BACE2: variants seen among roughly 807,000 people sequenced by gnomAD.
BACE2 encodes beta-secretase 2, also known as 56 kDa aspartic-like protease.
A neutral mutation model predicts 46.2 loss-of-function variants in BACE2; 17 were observed. The observed-to-expected ratio is 0.37, with a 90% CI of 0.25 to 0.55. The LOEUF (loss-of-function observed/expected upper bound fraction) is 0.55, where lower values mean the gene tolerates loss of function less well. Among genes scored for constraint, BACE2 ranks in the 20% least tolerant of loss-of-function variants. The pLI is 0.82. For synonymous variants in BACE2, 277 were observed against 295.9 expected, an observed-to-expected ratio of 0.94 and a Z score of 0.66; for missense variants, 595 against 698.1, an observed-to-expected ratio of 0.85 and a Z score of 1.66.
chr21:41,200,666 A>G (rs1226385994), intron 1 of BACE2, among the ~76,000 whole-genome samples: 1 of 152,166 alleles, frequency 6.6e-6, no homozygotes, highest in Admixed American at 6.5e-5. Flanking sequence ...TGAAGTTAAA[A>G]TGTGGCCATG....
At chr21:41,214,492 G>A (rs761399378) in intron 1 of BACE2, among the ~76,000 whole-genome samples, 10 of 152,184 alleles carry the variant, frequency 6.6e-5, no homozygotes, top group South Asian at 2.1e-4. Flanking sequence ...TGCCAAAGAC[G>A]AACAGTTTTC....
chr21:41,200,155 A>G (rs895899584), intron 1 of BACE2, among the ~76,000 whole-genome samples: 1 of 151,540 alleles, frequency 6.6e-6, no homozygotes, highest in Non-Finnish European at 1.5e-5. Context: ...AAACCTGCAC[A>G]TTGTGCACAT....
chr21:41,219,984 C>T (rs1986590591), intron 1 of BACE2, among the ~76,000 whole-genome samples: 1 of 152,194 alleles, frequency 6.6e-6, no homozygotes, highest in African/African-American at 2.4e-5. Context: ...AAGACTGCCC[C>T]CAGCTTCCAT....
rs186790739 is a variant in BACE2 at position 41,192,725 on chromosome 21, A to G, written c.312+24150A>G. On this transcript the variant is annotated intron_variant, in intron 1 of 8. Coordinates refer to ENST00000330333, the MANE Select transcript of BACE2 (RefSeq NM_012105.5). ...CAAGTGGCCAAGCAGCTTGCACAGC[A>G]GCCTGGACCTGTTGCAGAGCCTTCT... is the stretch of plus-strand genomic sequence containing the variant. Among the ~76,000 whole-genome samples, 1,225 of 152,340 alleles carry G rather than the reference A, an allele frequency of 8.0e-3. 11 individuals carry two copies. Among genetic ancestry groups the G allele is most frequent in the Non-Finnish European group, 0.012 (830 of 68,026 alleles).
At chr21:41,267,351 G>A (rs1008007841) in intron 8 of BACE2, among the ~76,000 whole-genome samples, 1 of 152,194 alleles carries the variant, frequency 6.6e-6, no homozygotes, top group African/African-American at 2.4e-5. Flanking sequence ...CCACCTCTGT[G>A]TTGCTGGGCC....
At chr21:41,208,922 G>T (rs899859505) in intron 1 of BACE2, among the ~76,000 whole-genome samples, 1 of 152,152 alleles carries the variant, frequency 6.6e-6, no homozygotes, top group African/African-American at 2.4e-5. Flanking sequence ...CACCTGCCAG[G>T]GTGGGATTAA....
chr21:41,269,580 T>A (rs2088415177), intron 8 of BACE2, among the ~76,000 whole-genome samples: 2 of 152,228 alleles, frequency 1.3e-5, no homozygotes, highest in South Asian at 4.1e-4. Context: ...GAATTTTATA[T>A]AAATGAAATC....
chr21:41,254,864 CCG>C (rs1169359583), intron 7 of BACE2, among the ~76,000 whole-genome samples: 12 of 152,352 alleles, frequency 7.9e-5, no homozygotes, highest in African/African-American at 2.2e-4. Context: ...TGTCCTGCCT[CCG>C]TCAGGCTGCC....
At chr21:41,182,079 G>A (rs1007579274) in intron 1 of BACE2, 1 of 167,072 alleles carries the variant, frequency 6.0e-6, no homozygotes, top group Admixed American at 6.5e-5. Context: ...TAAAGCCATA[G>A]AAAGGAAGTA....
chr21:41,203,537 A>T (rs941353297), intron 1 of BACE2, among the ~76,000 whole-genome samples: 16 of 151,934 alleles, frequency 1.1e-4, no homozygotes, highest in Non-Finnish European at 2.2e-4. Flanking sequence ...GTGAATGAGG[A>T]GTGTGGTTTT....
intron 8 of BACE2, among the ~76,000 whole-genome samples, chr21:41,274,516 G>A (rs771717119): frequency 1.9e-4 from 29 of 152,028 alleles, no homozygotes; most frequent in African/African-American, 4.3e-4. Context: ...TTTCTTTTCC[G>A]TATTGCAAGT....
Position 41,282,476 on chromosome 21 carries a change from A to G in BACE2, c.*6852A>G, listed in dbSNP as rs1601333273. ...TATGTTCCAGCAATTTAAGATATAT[A>G]CCATTGAAAGGGAAATAAAACATTT... On this transcript the variant is annotated 3_prime_UTR_variant, in exon 9 of 9. Transcript: ENST00000330333. 6.6e-6 allele frequency: 1 copy of G among 152,244 alleles called. No individual in the cohort carries two copies. Among genetic ancestry groups the G allele is most frequent in the Non-Finnish European group, 1.5e-5 (1 of 68,048 alleles). 9.4% of individuals were successfully genotyped at this position (152,244 alleles called of 1,614,324 possible).
intron 3 of BACE2, among the ~76,000 whole-genome samples, chr21:41,239,969 A>T (rs888663306): frequency 6.6e-6 from 1 of 152,270 alleles, no homozygotes; most frequent in African/African-American, 2.4e-5. Flanking sequence ...ATATGTAAAG[A>T]TTCTGTGAGA....
intron 1 of BACE2, among the ~76,000 whole-genome samples, chr21:41,222,662 A>T (rs963824257): frequency 6.6e-6 from 1 of 152,154 alleles, no homozygotes; most frequent in African/African-American, 2.4e-5. Context: ...ACTTAACTGT[A>T]ATAGGACTGT....
intron 6 of BACE2, among the ~76,000 whole-genome samples, chr21:41,250,408 G>A (rs532348582): frequency 4.6e-5 from 7 of 152,196 alleles, no homozygotes; most frequent in Non-Finnish European, 1.0e-4. Context: ...GTGTGACCTT[G>A]GGCAAGTTAC....
intron 8 of BACE2, among the ~76,000 whole-genome samples, chr21:41,271,559 AT>A (rs546048655): frequency 6.6e-6 from 1 of 152,068 alleles, no homozygotes; most frequent in South Asian, 2.1e-4. Context: ...CATTTGTTAC[AT>A]TTTTTCCCTT....
At chr21:41,243,984 G>A (rs567201717) in intron 5 of BACE2, among the ~76,000 whole-genome samples, 4 of 152,316 alleles carry the variant, frequency 2.6e-5, no homozygotes, top group African/African-American at 9.6e-5. Context: ...CGGTCATGCT[G>A]TATAGATGTG....
intron 1 of BACE2, among the ~76,000 whole-genome samples, chr21:41,172,427 C>G (rs868430563): frequency 6.6e-6 from 1 of 152,214 alleles, no homozygotes; most frequent in Non-Finnish European, 1.5e-5. Context: ...ATCCTTGCAA[C>G]GTCCTGGAAA....
In BACE2 at chr21:41,226,361, G is replaced by A. The variant is rs575707852; in HGVS notation, c.401+7G>A. Reference sequence around the variant, plus strand: ...CGTACTTTGACACAGAGAGGTAAGCGCTGGCCCCTTGGCTGGTGTGCTGGG... The same window carrying A: ...CGTACTTTGACACAGAGAGGTAAGCACTGGCCCCTTGGCTGGTGTGCTGGG... On this transcript the variant is annotated splice_region_variant and intron_variant, in intron 2 of 8. Coordinates refer to ENST00000330333, the MANE Select transcript of BACE2 (RefSeq NM_012105.5). 1.2e-6 allele frequency: 2 copies of A among 1,610,876 alleles called. No homozygotes were observed. Among genetic ancestry groups the A allele is most frequent in the East Asian group, 2.2e-5 (1 of 44,866 alleles).
Sources: gnomAD v4.1 joint callset for allele counts (sites outside exome capture counted in the v4.1 genomes callset) on GRCh38, gnomAD v4.1.1 for gene constraint, MANE v1.5 for transcripts, NCBI Gene and HGNC (gene_info 2026-07-23, HGNC 2026-07-21) for gene names.